Variants in SCP2 observed in about 807,000 individuals in gnomAD.
The protein encoded by SCP2 is sterol carrier protein 2, also known as SCP-2/3-oxoacyl-CoA thiolase.
Under a neutral mutation model 71.4 loss-of-function variants are expected in SCP2, and 48 were observed. The ratio of observed to expected loss-of-function variants is 0.67; its 90% confidence interval spans 0.53 to 0.86. SCP2 has a LOEUF of 0.86. SCP2 is among the 40% of genes least tolerant of loss of function. The probability of loss-of-function intolerance (pLI) is 0.00; values close to 1 mark genes in which losing one functional copy is unlikely to be tolerated. For missense variants in SCP2, 560 were observed against 655.6 expected (o/e 0.85, Z 1.59); for synonymous variants, 220 against 218.1 (o/e 1.01, Z -0.08).
At chr1:53,008,515 C>A (rs1660778186) in intron 11 of SCP2, among the ~76,000 whole-genome samples, 1 of 152,144 alleles carries the variant, frequency 6.6e-6, no homozygotes, top group South Asian at 2.1e-4. Context: ...ATAAACAGAA[C>A]CAAACACAAA....
chr1:53,009,209 AT>A (rs1660829236), intron 11 of SCP2, among the ~76,000 whole-genome samples: 1 of 152,202 alleles, frequency 6.6e-6, no homozygotes. Context: ...GCCCAAGGTA[AT>A]TTATAGATTC....
At chr1:52,946,004 C>T (rs1654751347) in intron 2 of SCP2, among the ~76,000 whole-genome samples, 1 of 151,696 alleles carries the variant, frequency 6.6e-6, no homozygotes, top group East Asian at 1.9e-4. Context: ...TCATGGCTCA[C>T]TGCAGCCTTG....
At chr1:52,928,635 G>C (rs1251417783) in intron 1 of SCP2, 2 of 153,930 alleles carry the variant, frequency 1.3e-5, no homozygotes, top group African/African-American at 4.8e-5. Context: ...ACGAAAATTA[G>C]TCGGGCATGG....
intron 6 of SCP2, among the ~76,000 whole-genome samples, chr1:52,962,571 C>G (rs990914031): frequency 1.3e-5 from 2 of 151,736 alleles, no homozygotes; most frequent in African/African-American, 4.8e-5. Flanking sequence ...CATGATCATT[C>G]CCTTCACCCT....
At chr1:52,944,104 C>T (rs1476691994) in intron 2 of SCP2, among the ~76,000 whole-genome samples, 1 of 152,148 alleles carries the variant, frequency 6.6e-6, no homozygotes, top group East Asian at 1.9e-4. Context: ...CTGGGAAATA[C>T]CTGCTGTCAA....
chr1:53,046,599 A>T (rs1038351164), intron 14 of SCP2, among the ~76,000 whole-genome samples: 1 of 152,230 alleles, frequency 6.6e-6, no homozygotes, highest in South Asian at 2.1e-4. Context: ...GGAGTTCTTC[A>T]TATAGTCTGT....
chr1:53,034,604 A>C (rs1478226682), intron 13 of SCP2, among the ~76,000 whole-genome samples: 2 of 152,172 alleles, frequency 1.3e-5, no homozygotes, highest in Non-Finnish European at 2.9e-5. Flanking sequence ...ATTTTATAGG[A>C]TATAAATTAT....
At chr1:52,935,921 G>A (rs761238382) in intron 1 of SCP2, among the ~76,000 whole-genome samples, 3 of 151,904 alleles carry the variant, frequency 2.0e-5, no homozygotes, top group Non-Finnish European at 2.9e-5. Context: ...CTGGGTGACA[G>A]AGCAAGAACC....
chr1:53,035,092 T>C (rs1219927314), intron 13 of SCP2, among the ~76,000 whole-genome samples: 4 of 148,912 alleles, frequency 2.7e-5, no homozygotes, highest in African/African-American at 9.9e-5. Context: ...GGTGACAGAG[T>C]GAGACTCTGT....
intron 12 of SCP2, among the ~76,000 whole-genome samples, chr1:53,025,667 T>C (rs950387974): frequency 6.6e-6 from 1 of 152,186 alleles, no homozygotes; most frequent in African/African-American, 2.4e-5. Context: ...ATTCCCACTC[T>C]CTATCTACTG....
chr1:52,984,993 C>A (rs1452883136), intron 10 of SCP2, among the ~76,000 whole-genome samples: 1 of 151,298 alleles, frequency 6.6e-6, no homozygotes, highest in African/African-American at 2.4e-5. Flanking sequence ...GGGTACACCA[C>A]CACGCCCGGC....
chr1:52,942,100 G>A (rs1474851251), intron 2 of SCP2, among the ~76,000 whole-genome samples: 1 of 152,152 alleles, frequency 6.6e-6, no homozygotes, highest in Non-Finnish European at 1.5e-5. Context: ...GATGGTTAAG[G>A]GATCTGTGGG....
chr1:52,960,530 ATATATATGTATGTATATACATGTG>A (rs1553145925), intron 5 of SCP2, among the ~76,000 whole-genome samples: 1 of 134,592 alleles, frequency 7.4e-6, no homozygotes, highest in South Asian at 2.3e-4. Flanking sequence ...ATATGTGTGT[ATATATATGTATGTATATACATGTG>A]TATATATGTA....
Position 52,954,727 on chromosome 1 carries a change from G to A in SCP2, c.332-13G>A, listed in dbSNP as rs373584259. The stretch of plus-strand genomic sequence containing the variant: ...AAATTTGAATTTTCAAAATAATTAC[G>A]TTTTCCTTTAAGGTGTGGCAGAATG... On this transcript the variant is annotated splice_polypyrimidine_tract_variant and intron_variant, in intron 4 of 15. Coordinates refer to ENST00000371514, the MANE Select transcript of SCP2 (RefSeq NM_002979.5). 5.0e-6 allele frequency: 8 copies of A among 1,609,324 alleles called. No homozygotes were observed. Among genetic ancestry groups the A allele is most frequent in the East Asian group, 2.2e-5 (1 of 44,826 alleles).
At chr1:52,953,086 G>A (rs1232179599) in intron 4 of SCP2, among the ~76,000 whole-genome samples, 4 of 128,790 alleles carry the variant, frequency 3.1e-5, no homozygotes, top group Non-Finnish European at 4.8e-5. Context: ...TTTTAGTTCA[G>A]CTTCTGCAGG....
chr1:52,982,731 G>C (rs7555228), intron 10 of SCP2, among the ~76,000 whole-genome samples: 47,130 of 151,928 alleles, frequency 0.31, 12,109 homozygotes, highest in African/African-American at 0.7. Context: ...CCCCTTTGCC[G>C]TACACTGTCC....
chr1:52,947,061 G>GAAAA (rs769379121), intron 2 of SCP2, among the ~76,000 whole-genome samples: 1 of 76,926 alleles, frequency 1.3e-5, no homozygotes, highest in Non-Finnish European at 2.6e-5. Context: ...ACTCTGTCTC[G>GAAAA]AAAAAAAAAA....
In SCP2 at chr1:52,988,074, G is replaced by T; in HGVS notation, c.1019G>T (p.Gly340Val). ...LVDRGDNTYG[G>V]KWVINPSGGL... ...GATAGAGGAGATAATACATATGGAG[G>T]AAAGTGGGTCATAAATCCTAGTGGT... Residue 340 changes from glycine to valine, a missense_variant, in exon 11 of 16, where the codon GGA becomes GTA. Physicochemically the swap from Gly to Val is moderately radical, Grantham distance 109 (BLOSUM62 -3). Coordinates refer to ENST00000371514, the MANE Select transcript of SCP2 (RefSeq NM_002979.5). The T allele has an allele frequency of 6.2e-7, 1 of 1,609,234 alleles. No homozygotes were observed. The highest frequency in any genetic ancestry group is 8.5e-7 in the Non-Finnish European group (1 of 1,175,870).
At chr1:53,034,334 C>T (rs761963732) in intron 13 of SCP2, among the ~76,000 whole-genome samples, 6 of 151,332 alleles carry the variant, frequency 4.0e-5, no homozygotes, top group African/African-American at 9.7e-5. Flanking sequence ...ACCTTGAAAA[C>T]GTCATGCTTA....
Sources: gnomAD v4.1 joint callset for allele counts (sites outside exome capture counted in the v4.1 genomes callset) on GRCh38, gnomAD v4.1.1 for gene constraint, MANE v1.5 for transcripts, NCBI Gene and HGNC (gene_info 2026-07-23, HGNC 2026-07-21) for gene names.